Variants in DST observed in about 807,000 individuals in gnomAD.
DST encodes the protein bullous pemphigoid antigen.
A neutral mutation model predicts 875.2 loss-of-function variants in DST; 253 were observed. That is an observed-to-expected ratio of 0.29 (90% CI 0.26 to 0.32). The LOEUF (loss-of-function observed/expected upper bound fraction) is 0.32, where lower values mean the gene tolerates loss of function less well. Among genes scored for constraint, DST ranks in the 10% least tolerant of loss-of-function variants. The probability of loss-of-function intolerance (pLI) is 1.00; values close to 1 mark genes in which losing one functional copy is unlikely to be tolerated. For synonymous variants in DST, 3,124 were observed against 3,197.1 expected, an observed-to-expected ratio of 0.98 and a Z score of 0.77; for missense variants, 8,287 against 9,111.6, an observed-to-expected ratio of 0.91 and a Z score of 3.68.
chr6:56,934,868 A>T (rs1481559340), intron 2 of DST, among the ~76,000 whole-genome samples: 1 of 152,036 alleles, frequency 6.6e-6, no homozygotes, highest in Admixed American at 6.6e-5. Context: ...ATATTGTAAC[A>T]TATTCCAAAG....
At chr6:56,752,953 G>C (rs2099592066) in intron 4 of DST, among the ~76,000 whole-genome samples, 1 of 151,900 alleles carries the variant, frequency 6.6e-6, no homozygotes, top group Non-Finnish European at 1.5e-5. Context: ...CACCACACCT[G>C]GCTAATTTTG....
chr6:56,904,233 C>T (rs765762999), intron 2 of DST, among the ~76,000 whole-genome samples: 1 of 152,156 alleles, frequency 6.6e-6, no homozygotes, highest in Non-Finnish European at 1.5e-5. Flanking sequence ...GAAAATGAGT[C>T]ACATTGCTGG....
At chr6:56,594,742 AAG>A (rs1319885221) in intron 47 of DST, among the ~76,000 whole-genome samples, 1 of 152,246 alleles carries the variant, frequency 6.6e-6, no homozygotes. Flanking sequence ...GATATAATAA[AAG>A]AGAATCCTGG....
At chr6:56,818,920 G>A (rs905161141) in intron 4 of DST, among the ~76,000 whole-genome samples, 5 of 152,022 alleles carry the variant, frequency 3.3e-5, no homozygotes, top group Admixed American at 2.6e-4. Flanking sequence ...GATGAATAAC[G>A]CATGTATACA....
Position 56,572,219 on chromosome 6 carries a change from C to A in DST, c.13602G>T (p.Leu4534Phe). ...TGGATATCTCCTTCAAGAGACTATG[C>A]AAAACTTCAAGATGTTTCTTGTGTT... ...FLEHKKHLEV[L>F]HSLLKEISSH... Residue 4534 changes from leucine to phenylalanine, a missense_variant, in exon 53 of 104, where the codon TTG becomes TTT. Physicochemically the swap from Leu to Phe is conservative, Grantham distance 22. Transcript: ENST00000680361. The A allele has an allele frequency of 6.3e-7, 1 of 1,576,530 alleles. No homozygotes were observed. Among genetic ancestry groups the A allele is most frequent in the Non-Finnish European group, 8.6e-7 (1 of 1,160,266 alleles).
intron 69 of DST, among the ~76,000 whole-genome samples, chr6:56,523,585 A>C (rs1210369668): frequency 5.3e-5 from 8 of 152,106 alleles, no homozygotes; most frequent in Non-Finnish European, 1.0e-4. Flanking sequence ...GCTTTTGTTA[A>C]ATTTCAAAAA....
At chr6:56,945,971 T>A (rs111959698) in intron 2 of DST, 6 of 152,130 alleles carry the variant, frequency 3.9e-5, no homozygotes. Context: ...AAAATTAAAT[T>A]GTGATGATGG....
rs2098544738 is a variant in DST at position 56,611,515 on chromosome 6, C to T, written c.5140G>A (p.Gly1714Arg). 1 of 1,609,706 alleles carries T rather than the reference C, an allele frequency of 6.2e-7. No individual in the cohort carries two copies. The highest frequency in any genetic ancestry group is 1.1e-5 in the South Asian group (1 of 90,670). ...TAACTACAACCAACATACTTGTCTC[C>T]ATGTTTTGCCAAAAAAAGCTGTATA... is the stretch of plus-strand genomic sequence containing the variant. The part of the protein sequence containing the change: ...QTIQLFLAKH[G>R]DKMTDEERNE... Residue 1714 changes from glycine to arginine, a missense_variant, in exon 38 of 104, where the codon GGA becomes AGA. Physicochemically the swap from Gly to Arg is moderately radical, Grantham distance 125. Around this residue, in one of 10 missense-constraint regions of DST, gnomAD observed 3,138 missense variants for 3,116.6 expected, o/e 1.01. Transcript: ENST00000680361.
At position 56,603,959 on chromosome 6, in the gene DST, C is replaced by T. The variant is rs2098470801; in HGVS notation, c.10669G>A (p.Val3557Met). 13 of 1,611,130 alleles carry T rather than the reference C, an allele frequency of 8.1e-6. No individual in the cohort carries two copies. Among genetic ancestry groups the T allele is most frequent in the African/African-American group, 1.3e-5 (1 of 74,858 alleles). The change falls in exon 40 of 104, where the codon GTG (valine) becomes ATG (methionine). Residue 3557 changes from valine to methionine, a missense_variant. Around this residue, in one of 10 missense-constraint regions of DST, gnomAD observed 3,138 missense variants for 3,116.6 expected, o/e 1.01. Transcript: ENST00000680361. ...VKEIGLESSTVWASTLPRDEK... is the reference protein window; with the variant it reads ...VKEIGLESSTMWASTLPRDEK... ...TCTCTTGGCAATGTTGATGCCCACA[C>T]AGTAGAGCTTTCTAGTCCAATTTCT...
In DST at chr6:56,617,083, A is replaced by C. The variant is rs941586034; in HGVS notation, c.4930-2599T>G. On this transcript the variant is annotated intron_variant, in intron 36 of 103. Transcript: ENST00000680361. ...TGGCTTTCGTCAGAAACTTGTTAAG[A>C]GTTTTCTGAACTTCTTCAACAGTCT... 3.5e-5 allele frequency: 56 copies of C among 1,613,874 alleles called. No individual in the cohort carries two copies. The highest frequency in any genetic ancestry group is 4.0e-5 in the Non-Finnish European group (47 of 1,179,918).
At chr6:56,489,254 T>C (rs752858142) in intron 86 of DST, among the ~76,000 whole-genome samples, 2 of 152,214 alleles carry the variant, frequency 1.3e-5, no homozygotes, top group Non-Finnish European at 2.9e-5. Flanking sequence ...CATTTTTATT[T>C]TGTATGTTTT....
chr6:56,828,369 T>G (rs770239063), intron 4 of DST, among the ~76,000 whole-genome samples: 2 of 152,250 alleles, frequency 1.3e-5, no homozygotes, highest in Admixed American at 6.5e-5. Context: ...GCCTGCTGCA[T>G]GCAATGTACT....
intron 36 of DST, chr6:56,615,051 T>C (rs2098599163): frequency 6.0e-6 from 6 of 1,003,188 alleles, no homozygotes; most frequent in Non-Finnish European, 7.1e-6. Flanking sequence ...CTTTTTCATT[T>C]TTTGAAGCAA....
chr6:56,635,525 C>A, intron 24 of DST, 64 bp downstream of exon 24: 1 of 1,525,632 alleles, frequency 6.6e-7, no homozygotes, highest in East Asian at 2.3e-5. Context: ...AAGTTCTGCT[C>A]ATATAAAACA....
rs775718704 is a variant in DST at position 56,603,420 on chromosome 6, T to C, written c.10942A>G (p.Thr3648Ala). Residue 3648 changes from threonine to alanine, a missense_variant and splice_region_variant, in exon 42 of 104, where the codon ACA becomes GCA. Physicochemically the swap from Thr to Ala is moderately conservative, Grantham distance 58. Coordinates refer to ENST00000680361, the MANE Select transcript of DST (RefSeq NM_001374736.1). Reference protein sequence around the residue: ...ALKNQLRQLETFELGLAPIAV... With the variant: ...ALKNQLRQLEAFELGLAPIAV... ...ATTGGAGCTAATCCCAATTCAAATG[T>C]CTGCAAAGAAATATATCCCGGACCT... is the stretch of plus-strand genomic sequence containing the variant. 10 of 1,609,458 alleles carry C rather than the reference T, an allele frequency of 6.2e-6. No individual in the cohort carries two copies. The East Asian group carries it at 1.3e-4, about 22-fold the overall frequency.
intron 4 of DST, among the ~76,000 whole-genome samples, chr6:56,804,318 G>C (rs1387041238): frequency 2.0e-5 from 3 of 151,824 alleles, no homozygotes; most frequent in Admixed American, 2.0e-4. Context: ...TACAGTTCTA[G>C]GAAAAGCTGT....
At chr6:56,885,862 T>C (rs56968726) in intron 3 of DST, among the ~76,000 whole-genome samples, 14 of 152,196 alleles carry the variant, frequency 9.2e-5, no homozygotes, top group South Asian at 2.1e-4. Context: ...GCAACACAGA[T>C]GGACTAAGAC....
At chr6:56,685,336 C>T (rs552399148) in intron 9 of DST, among the ~76,000 whole-genome samples, 1 of 152,178 alleles carries the variant, frequency 6.6e-6, no homozygotes, top group Non-Finnish European at 1.5e-5. Context: ...CCATTGCCTG[C>T]TTTTTAATGA....
At chr6:56,783,043 T>C (rs1372206501) in intron 4 of DST, among the ~76,000 whole-genome samples, 1 of 152,128 alleles carries the variant, frequency 6.6e-6, no homozygotes, top group Non-Finnish European at 1.5e-5. Context: ...TTTGAGTGAG[T>C]TTCTTAATCC....
Sources: gnomAD v4.1 joint callset for allele counts (sites outside exome capture counted in the v4.1 genomes callset) on GRCh38, gnomAD v4.1.1 for gene constraint, gnomAD v4.1.1 regional missense constraint, MANE v1.5 for transcripts, NCBI Gene and HGNC (gene_info 2026-07-23, HGNC 2026-07-21) for gene names.